Variants in SMYD3 observed in about 807,000 individuals in gnomAD.
SMYD3 encodes histone-lysine N-methyltransferase SMYD3.
A neutral mutation model predicts 57.7 loss-of-function variants in SMYD3; 36 were observed. That is an observed-to-expected ratio of 0.62 (90% CI 0.48 to 0.82). The LOEUF (loss-of-function observed/expected upper bound fraction) is 0.82. SMYD3 is among the 40% of genes least tolerant of loss of function. SMYD3 has a pLI of 0.00. For missense variants in SMYD3, 515 were observed against 538.8 expected, an observed-to-expected ratio of 0.96 and a Z score of 0.44; for synonymous variants, 211 against 195.0, an observed-to-expected ratio of 1.08 and a Z score of -0.68.
rs1573019082 is a variant in SMYD3 at position 246,098,623 on chromosome 1, C to T, written c.532-168686G>A. ...AGAACTTTTTTGAGGCTGAGTGACA[C>T]ACTTTATCTATACTGTTCTAAATTT... On this transcript the variant is annotated intron_variant, in intron 5 of 11. Transcript: ENST00000490107. 2.0e-5 allele frequency among the ~76,000 whole-genome samples: 3 copies of T among 152,256 alleles called. No individual in the cohort carries two copies. The South Asian group carries it at 6.2e-4, about 32-fold the overall frequency.
chr1:246,020,794 T>G (rs553994201), intron 5 of SMYD3, among the ~76,000 whole-genome samples: 1 of 152,264 alleles, frequency 6.6e-6, no homozygotes, highest in Non-Finnish European at 1.5e-5. Context: ...AGAATTGAAG[T>G]CAGAAAGCCT....
intron 5 of SMYD3, among the ~76,000 whole-genome samples, chr1:246,261,797 G>A (rs748351820): frequency 1.3e-5 from 2 of 152,090 alleles, no homozygotes; most frequent in Non-Finnish European, 2.9e-5. Context: ...TATTTAAAAC[G>A]AATGACATTC....
chr1:246,461,331 G>A (rs904933532), intron 1 of SMYD3, among the ~76,000 whole-genome samples: 12 of 152,250 alleles, frequency 7.9e-5, no homozygotes, highest in Admixed American at 7.2e-4. Context: ...CCTAGTACAT[G>A]TAGCTCCAGG....
Position 245,879,225 on chromosome 1 carries a change from TC to T in SMYD3, c.814-15340del. On this transcript the variant is annotated intron_variant, in intron 8 of 11. Coordinates refer to ENST00000490107, the MANE Select transcript of SMYD3 (RefSeq NM_001167740.2). ...ACAAGGTTCACGTTCTAGAACAACA[TC>T]TGAGCACACTGCTCACAAACAGCTG... 2.6e-5 allele frequency among the ~76,000 whole-genome samples: 4 copies of T among 152,202 alleles called. No individual in the cohort carries two copies. The South Asian group carries it at 8.3e-4, about 32-fold the overall frequency.
At chr1:246,326,648 C>T (rs1433995541) in intron 5 of SMYD3, 1 of 353,000 alleles carries the variant, frequency 2.8e-6, no homozygotes, top group Non-Finnish European at 5.1e-6. Flanking sequence ...CCTGTAATCC[C>T]AGCTACTCAG....
intron 5 of SMYD3, among the ~76,000 whole-genome samples, chr1:245,967,765 G>A (rs1162254796): frequency 2.0e-5 from 3 of 152,110 alleles, no homozygotes; most frequent in East Asian, 1.9e-4. Context: ...GAGGGATAAC[G>A]GCAGAGCATT....
chr1:245,849,029 C>T (rs1362007243), intron 10 of SMYD3, among the ~76,000 whole-genome samples: 1 of 152,166 alleles, frequency 6.6e-6, no homozygotes, highest in Non-Finnish European at 1.5e-5. Flanking sequence ...CCACGAGCAT[C>T]TATGGGCTGG....
At chr1:246,362,371 C>CA (rs1413487141) in intron 1 of SMYD3, among the ~76,000 whole-genome samples, 3 of 148,564 alleles carry the variant, frequency 2.0e-5, no homozygotes, top group South Asian at 2.2e-4. Context: ...ACCTGGGTGA[C>CA]AAAAAAGCAG....
intron 10 of SMYD3, among the ~76,000 whole-genome samples, chr1:245,807,991 T>C (rs2048276356): frequency 6.6e-6 from 1 of 152,120 alleles, no homozygotes; most frequent in Admixed American, 6.5e-5. Context: ...TTGAGAGTAT[T>C]CTCCTCTTCT....
At chr1:246,413,282 G>T (rs554209997) in intron 1 of SMYD3, among the ~76,000 whole-genome samples, 1 of 152,118 alleles carries the variant, frequency 6.6e-6, no homozygotes, top group African/African-American at 2.4e-5. Context: ...ACAGTAAATA[G>T]TCCAGCTTAT....
chr1:245,771,045 T>TAC (rs35330040), intron 10 of SMYD3, among the ~76,000 whole-genome samples: 1,960 of 151,126 alleles, frequency 0.013, 31 homozygotes, highest in African/African-American at 0.045. Context: ...GCTATATATA[T>TAC]ACACACACAC....
chr1:245,773,583 T>C (rs563138181), intron 10 of SMYD3, among the ~76,000 whole-genome samples: 1 of 152,290 alleles, frequency 6.6e-6, no homozygotes, highest in East Asian at 1.9e-4. Context: ...AGTCCTCCAC[T>C]TCATGTAAAC....
chr1:246,421,581 T>G (rs886555638), intron 1 of SMYD3, among the ~76,000 whole-genome samples: 3 of 152,006 alleles, frequency 2.0e-5, no homozygotes, highest in Non-Finnish European at 4.4e-5. Context: ...TTTATAAGAC[T>G]TAAAATACTA....
chr1:246,291,248 C>T (rs116420655), intron 5 of SMYD3, among the ~76,000 whole-genome samples: 3 of 152,210 alleles, frequency 2.0e-5, no homozygotes, highest in Non-Finnish European at 4.4e-5. Flanking sequence ...TATTCGCATA[C>T]AAATTTGCAA....
intron 5 of SMYD3, among the ~76,000 whole-genome samples, chr1:246,274,984 T>C (rs2064301116): frequency 1.3e-5 from 2 of 152,224 alleles, no homozygotes; most frequent in South Asian, 4.1e-4. Flanking sequence ...CAGTTGTTCC[T>C]GCTACATTCA....
At chr1:246,490,195 C>T (rs1252478998) in intron 1 of SMYD3, among the ~76,000 whole-genome samples, 1 of 152,070 alleles carries the variant, frequency 6.6e-6, no homozygotes, top group Non-Finnish European at 1.5e-5. Context: ...CTGTGACATA[C>T]TATTTCTGGT....
At chr1:246,383,045 T>C (rs2066414886) in intron 1 of SMYD3, among the ~76,000 whole-genome samples, 1 of 151,244 alleles carries the variant, frequency 6.6e-6, no homozygotes, top group African/African-American at 2.4e-5. Context: ...TCCAGACCTG[T>C]CCCAGTGGGC....
chr1:245,817,030 T>C (rs2048857029), intron 10 of SMYD3, among the ~76,000 whole-genome samples: 1 of 151,434 alleles, frequency 6.6e-6, no homozygotes, highest in African/African-American at 2.4e-5. Flanking sequence ...AAGCTCGAAC[T>C]GGGTGGAGCC....
At chr1:246,223,567 A>G (rs931942555) in intron 5 of SMYD3, among the ~76,000 whole-genome samples, 1 of 152,246 alleles carries the variant, frequency 6.6e-6, no homozygotes, top group African/African-American at 2.4e-5. Flanking sequence ...GTATATACTG[A>G]AAATGGAGTC....
Sources: allele counts gnomAD v4.1 joint callset (sites outside exome capture counted in the v4.1 genomes callset), GRCh38; gene constraint gnomAD v4.1.1; transcripts MANE v1.5; gene names NCBI Gene and HGNC (gene_info 2026-07-23, HGNC 2026-07-21).